The following INVS variants were observed in gnomAD, a reference collection of about 807,000 sequenced individuals.
The protein encoded by INVS is inversion of embryo turning homolog.
A neutral mutation model predicts 108.8 loss-of-function variants in INVS; 86 were observed. The ratio of observed to expected loss-of-function variants is 0.79; its 90% confidence interval spans 0.66 to 0.95. The LOEUF (loss-of-function observed/expected upper bound fraction) is 0.95, where lower values mean the gene tolerates loss of function less well. INVS is among the 40% of genes least tolerant of loss of function. The pLI is 0.00. For synonymous variants in INVS, 455 were observed against 473.5 expected (o/e 0.96, Z 0.51); for missense variants, 1,169 against 1,297.4 (o/e 0.90, Z 1.52).
chr9:100,120,145 C>T (rs993697781), intron 2 of INVS, among the ~76,000 whole-genome samples: 10 of 152,304 alleles, frequency 6.6e-5, no homozygotes, highest in East Asian at 5.8e-4. Flanking sequence ...GTGGCTTATG[C>T]CTGTAATCCC....
At chr9:100,107,109 A>G (rs1240470943) in intron 2 of INVS, among the ~76,000 whole-genome samples, 2 of 152,206 alleles carry the variant, frequency 1.3e-5, no homozygotes, top group African/African-American at 4.8e-5. Context: ...CATATAGAGA[A>G]GTGCATACAA....
chr9:100,199,562 GT>G (rs1475797576), intron 3 of INVS, among the ~76,000 whole-genome samples: 3 of 151,932 alleles, frequency 2.0e-5, no homozygotes, highest in African/African-American at 7.2e-5. Context: ...TTGCTTTAGG[GT>G]TTACAGTATG....
intron 3 of INVS, among the ~76,000 whole-genome samples, chr9:100,209,719 G>A (rs532004488): frequency 1.3e-4 from 19 of 143,490 alleles, no homozygotes; most frequent in African/African-American, 4.6e-4. Flanking sequence ...GCAGTGAGCC[G>A]AGATCGCGCC....
intron 3 of INVS, among the ~76,000 whole-genome samples, chr9:100,165,993 A>AT (rs1829352526): frequency 6.6e-6 from 1 of 152,086 alleles, no homozygotes; most frequent in Non-Finnish European, 1.5e-5. Flanking sequence ...GAGCTTGCGG[A>AT]TTTTTTTAAG....
At position 100,240,111 on chromosome 9, in the gene INVS, A is replaced by G. The variant is rs2118493460; in HGVS notation, c.667A>G (p.Thr223Ala). Residue 223 changes from threonine to alanine, a missense_variant, in exon 6 of 17, where the codon ACT becomes GCT. Transcript: ENST00000262457. ...LLNWQDYEGR[T>A]PLHFAVADGN... Reference sequence around the variant, plus strand: ...GAACTGGCAAGACTACGAGGGTCGAACTCCTCTTCACTTTGCAGTTGCTGA... The same window carrying G: ...GAACTGGCAAGACTACGAGGGTCGAGCTCCTCTTCACTTTGCAGTTGCTGA... 3.1e-6 allele frequency: 5 copies of G among 1,614,026 alleles called. No homozygotes were observed. Among genetic ancestry groups the G allele is most frequent in the Non-Finnish European group, 4.2e-6 (5 of 1,179,978 alleles).
chr9:100,165,255 G>A (rs1461840996), intron 3 of INVS, among the ~76,000 whole-genome samples: 1 of 151,990 alleles, frequency 6.6e-6, no homozygotes, highest in Non-Finnish European at 1.5e-5. Context: ...TAGAATTACT[G>A]TTCAATTTTT....
intron 2 of INVS, among the ~76,000 whole-genome samples, chr9:100,107,459 G>C (rs1427483388): frequency 6.6e-6 from 1 of 152,122 alleles, no homozygotes; most frequent in Non-Finnish European, 1.5e-5. Flanking sequence ...AAATTTGACA[G>C]GTTACTTGTA....
intron 4 of INVS, 61 bp downstream of exon 4, chr9:100,226,296 T>C: frequency 6.8e-7 from 1 of 1,473,784 alleles, no homozygotes. Context: ...CCTTTTATGA[T>C]GTGAAATTTC....
At position 100,267,019 on chromosome 9, in the gene INVS, T is replaced by TAAAAAA. The variant is rs11415703; in HGVS notation, c.1571+2110_1571+2115dup. Among the ~76,000 whole-genome samples, 404 of 92,550 alleles carry TAAAAAA rather than the reference T, an allele frequency of 4.4e-3. 1 individual carries two copies. Among genetic ancestry groups the TAAAAAA allele is most frequent in the Non-Finnish European group, 5.9e-3 (290 of 49,026 alleles). 60.7% of individuals were successfully genotyped at this position (92,550 alleles called of 152,430 possible). A position where few individuals can be genotyped will look rare whatever the true frequency, so the allele number is the denominator to read the frequency against. ...CTGAAGATGTCTCCCTTTGAAACTC[T>TAAAAAA]AAAAAAAAAAAAAAAAAAAAAAAAG... is the stretch of plus-strand genomic sequence containing the variant. On this transcript the variant is annotated intron_variant, in intron 11 of 16. Coordinates refer to ENST00000262457, the MANE Select transcript of INVS (RefSeq NM_014425.5).
At chr9:100,144,643 G>T (rs193292692) in intron 3 of INVS, among the ~76,000 whole-genome samples, 1 of 152,118 alleles carries the variant, frequency 6.6e-6, no homozygotes, top group East Asian at 1.9e-4. Flanking sequence ...AGGGCTAGTC[G>T]CGGAACAAAA....
At chr9:100,193,095 A>C (rs942100547) in intron 3 of INVS, among the ~76,000 whole-genome samples, 1 of 151,274 alleles carries the variant, frequency 6.6e-6, no homozygotes, top group African/African-American at 2.4e-5. Flanking sequence ...CTCCCACCTC[A>C]GCCTCCTGAG....
rs915497427 is a variant in INVS, at chr9:100,300,867, C to G, written c.*193C>G. 5 of 622,720 alleles carry G rather than the reference C, an allele frequency of 8.0e-6. No homozygotes were observed. In the Admixed American group the frequency reaches 1.2e-4, roughly 15 times the overall value. 38.6% of individuals were successfully genotyped at this position (622,720 alleles called of 1,614,324 possible). On this transcript the variant is annotated 3_prime_UTR_variant, in exon 17 of 17. Transcript: ENST00000262457. ...CTGCTCTTACACAGCATTGTTTTGT[C>G]AATCAACACAGCCTGCACTGAAAGG... is the stretch of plus-strand genomic sequence containing the variant.
At chr9:100,230,628 C>T (rs574632866) in intron 5 of INVS, among the ~76,000 whole-genome samples, 1 of 152,276 alleles carries the variant, frequency 6.6e-6, no homozygotes, top group South Asian at 2.1e-4. Context: ...AAGCAATTCT[C>T]CTGCCTCAGC....
At chr9:100,175,139 C>T in intron 3 of INVS, 1 of 360,404 alleles carries the variant, frequency 2.8e-6, no homozygotes, top group Non-Finnish European at 5.3e-6. Context: ...TTTTACAGTC[C>T]AGCTCTTAAA....
intron 2 of INVS, among the ~76,000 whole-genome samples, chr9:100,107,175 A>G (rs1316469884): frequency 1.3e-5 from 2 of 152,216 alleles, no homozygotes; most frequent in Admixed American, 6.5e-5. Context: ...TAAACCACCT[A>G]GGTTAAGGAG....
intron 3 of INVS, among the ~76,000 whole-genome samples, chr9:100,162,383 T>C (rs890188205): frequency 6.6e-6 from 1 of 152,194 alleles, no homozygotes; most frequent in Non-Finnish European, 1.5e-5. Flanking sequence ...CTCAATGATA[T>C]TAGCAAGGAC....
intron 13 of INVS, among the ~76,000 whole-genome samples, chr9:100,287,927 G>A (rs1833495377): frequency 6.6e-6 from 1 of 152,078 alleles, no homozygotes; most frequent in Non-Finnish European, 1.5e-5. Context: ...TGTGGTTCAG[G>A]TTCACCAGCT....
At chr9:100,261,800 CA>C (rs1832632671) in intron 10 of INVS, among the ~76,000 whole-genome samples, 1 of 152,160 alleles carries the variant, frequency 6.6e-6, no homozygotes, top group African/African-American at 2.4e-5. Context: ...TTGGAACCTT[CA>C]ATACAATCTT....
At chr9:100,180,122 T>C (rs1328214851) in intron 3 of INVS, among the ~76,000 whole-genome samples, 1 of 152,152 alleles carries the variant, frequency 6.6e-6, no homozygotes, top group Admixed American at 6.6e-5. Context: ...CTAGAATCTC[T>C]GGGACACAGC....
Sources: gnomAD v4.1 joint callset for allele counts (sites outside exome capture counted in the v4.1 genomes callset) on GRCh38, gnomAD v4.1.1 for gene constraint, MANE v1.5 for transcripts, NCBI Gene and HGNC (gene_info 2026-07-23, HGNC 2026-07-21) for gene names.